Variants in ADAM18 observed in about 807,000 individuals in gnomAD.
ADAM18 encodes the protein ADAM metallopeptidase domain 18.
A neutral mutation model predicts 94.4 loss-of-function variants in ADAM18; 117 were observed. That is an observed-to-expected ratio of 1.24 (90% confidence interval 1.07 to 1.45). The LOEUF (loss-of-function observed/expected upper bound fraction) is 1.45, where lower values mean the gene tolerates loss of function less well. ADAM18 is among the 40% of genes most tolerant of loss of function. The pLI is 0.00. For missense variants in ADAM18, 936 were observed against 880.0 expected (o/e 1.06, Z -0.81); for synonymous variants, 327 against 291.6 (o/e 1.12, Z -1.24).
At chr8:39,637,383 A>G in intron 8 of ADAM18, 48 bp downstream of exon 8, 3 of 1,551,856 alleles carry the variant, frequency 1.9e-6, no homozygotes, top group Non-Finnish European at 2.6e-6. Context: ...AGTTTCTTTA[A>G]TATAATTTGG....
intron 6 of ADAM18, among the ~76,000 whole-genome samples, chr8:39,620,357 C>CAA (rs61555393): frequency 6.6e-5 from 6 of 90,568 alleles, no homozygotes; most frequent in East Asian, 4.7e-4. Context: ...GCAACAAAAG[C>CAA]AAAAAAAAAA....
chr8:39,669,446 T>C (rs1821090513), intron 14 of ADAM18, among the ~76,000 whole-genome samples: 1 of 144,854 alleles, frequency 6.9e-6, no homozygotes, highest in South Asian at 2.3e-4. Flanking sequence ...GTATATCTCC[T>C]AATGCTATCC....
intron 12 of ADAM18, among the ~76,000 whole-genome samples, chr8:39,653,969 A>T (rs1820612892): frequency 6.6e-6 from 1 of 152,014 alleles, no homozygotes; most frequent in Non-Finnish European, 1.5e-5. Flanking sequence ...ACTTCTATTC[A>T]TCCCACTTCC....
intron 6 of ADAM18, among the ~76,000 whole-genome samples, chr8:39,617,228 C>A (rs1350252327): frequency 6.6e-6 from 1 of 152,094 alleles, no homozygotes; most frequent in African/African-American, 2.4e-5. Context: ...ATGCAGCCAA[C>A]AAGCATATGA....
chr8:39,718,157 G>C (rs977789232), intron 18 of ADAM18, among the ~76,000 whole-genome samples: 2 of 151,452 alleles, frequency 1.3e-5, no homozygotes, highest in African/African-American at 4.8e-5. Context: ...AAACAGTATG[G>C]AGGTTCCTCA....
At chr8:39,621,889 CAT>C (rs1351288075) in intron 6 of ADAM18, among the ~76,000 whole-genome samples, 2 of 152,188 alleles carry the variant, frequency 1.3e-5, no homozygotes, top group South Asian at 2.1e-4. Flanking sequence ...CACATGGACA[CAT>C]GTGGGGAAAC....
chr8:39,618,138 G>A (rs1346442828), intron 6 of ADAM18, among the ~76,000 whole-genome samples: 1 of 152,124 alleles, frequency 6.6e-6, no homozygotes, highest in African/African-American at 2.4e-5. Flanking sequence ...AAATAAATTA[G>A]TATTGTGGGA....
chr8:39,627,872 T>C (rs1165297738), intron 6 of ADAM18, among the ~76,000 whole-genome samples: 1 of 152,146 alleles, frequency 6.6e-6, no homozygotes, highest in Non-Finnish European at 1.5e-5. Flanking sequence ...TTTTAAGATG[T>C]ACAACTCCTT....
At chr8:39,612,674 A>G (rs568648637) in intron 6 of ADAM18, among the ~76,000 whole-genome samples, 13 of 152,152 alleles carry the variant, frequency 8.5e-5, no homozygotes, top group Non-Finnish European at 1.6e-4. Context: ...CCTGTGGGAC[A>G]AGGCCATTCT....
rs1340703351 is a variant in ADAM18, at chr8:39,691,628, A to G, written c.1822-972A>G. ...GATAAAGAAAATGTGGTACATACAC[A>G]CAACAGAATCATTATTTAGTGATAA... On this transcript the variant is annotated intron_variant, in intron 16 of 19. Coordinates refer to ENST00000265707, the MANE Select transcript of ADAM18 (RefSeq NM_014237.3). 3.3e-5 allele frequency among the ~76,000 whole-genome samples: 5 copies of G among 152,228 alleles called. No individual in the cohort carries two copies. The East Asian group carries it at 7.7e-4, about 23-fold the overall frequency.
intron 17 of ADAM18, among the ~76,000 whole-genome samples, chr8:39,703,186 G>C (rs751238970): frequency 6.6e-6 from 1 of 151,898 alleles, no homozygotes; most frequent in Non-Finnish European, 1.5e-5. Context: ...TTCTTGTAGA[G>C]ACCTTTCACC....
At chr8:39,678,529 C>G (rs1298903785) in intron 15 of ADAM18, among the ~76,000 whole-genome samples, 1 of 152,008 alleles carries the variant, frequency 6.6e-6, no homozygotes, top group Non-Finnish European at 1.5e-5. Context: ...CAGGAGGAGA[C>G]CCGGCATAAT....
chr8:39,605,272 T>C (rs542154493), intron 2 of ADAM18, among the ~76,000 whole-genome samples: 2 of 152,214 alleles, frequency 1.3e-5, no homozygotes, highest in Admixed American at 6.5e-5. Flanking sequence ...TCTGCATCTG[T>C]AGACTTAGTC....
At chr8:39,694,468 A>G (rs1016805781) in intron 17 of ADAM18, among the ~76,000 whole-genome samples, 1 of 151,472 alleles carries the variant, frequency 6.6e-6, no homozygotes, top group Non-Finnish European at 1.5e-5. Flanking sequence ...TGAGTATTTT[A>G]TTTGATATAA....
intron 7 of ADAM18, among the ~76,000 whole-genome samples, chr8:39,630,142 A>G (rs1319963013): frequency 1.3e-5 from 2 of 151,898 alleles, no homozygotes; most frequent in Non-Finnish European, 2.9e-5. Flanking sequence ...TAGTGTTTAT[A>G]TTTTTTGTTT....
chr8:39,617,965 C>T (rs1396460056), intron 6 of ADAM18, among the ~76,000 whole-genome samples: 1 of 152,064 alleles, frequency 6.6e-6, no homozygotes, highest in African/African-American at 2.4e-5. Context: ...CACTTCTATC[C>T]CTCCAAACCT....
At chr8:39,598,189 T>A (rs2129458211) in intron 2 of ADAM18, among the ~76,000 whole-genome samples, 1 of 152,288 alleles carries the variant, frequency 6.6e-6, no homozygotes, top group South Asian at 2.1e-4. Context: ...TCAGAATTTC[T>A]ACATAGACAA....
intron 14 of ADAM18, among the ~76,000 whole-genome samples, chr8:39,676,418 T>G (rs1821303283): frequency 6.6e-6 from 1 of 152,210 alleles, no homozygotes. Flanking sequence ...GCGCTAGCAG[T>G]GAGCAAGGCT....
At chr8:39,668,947 A>C (rs1196186596) in intron 14 of ADAM18, among the ~76,000 whole-genome samples, 7 of 152,216 alleles carry the variant, frequency 4.6e-5, no homozygotes, top group Admixed American at 1.3e-4. Context: ...AATAAATTTC[A>C]GATTAGGAGG....
Sources: gnomAD v4.1 joint callset for allele counts (sites outside exome capture counted in the v4.1 genomes callset) on GRCh38, gnomAD v4.1.1 for gene constraint, MANE v1.5 for transcripts, NCBI Gene and HGNC (gene_info 2026-07-23, HGNC 2026-07-21) for gene names.